Variants in LRRC69 observed in about 807,000 individuals in gnomAD.
The protein encoded by LRRC69 is leucine rich repeat containing 69, also known as leucine-rich repeat-containing protein 69.
LRRC69 carries 42 observed loss-of-function variants against 37.8 expected under a neutral mutation model. The ratio of observed to expected loss-of-function variants is 1.11; its 90% CI spans 0.87 to 1.44. The LOEUF (loss-of-function observed/expected upper bound fraction) is 1.44, where lower values mean the gene tolerates loss of function less well. Among genes scored for constraint, LRRC69 ranks in the 40% most tolerant of loss-of-function variants. The probability of loss-of-function intolerance (pLI) is 0.00; values close to 1 mark genes in which losing one functional copy is unlikely to be tolerated. For synonymous variants in LRRC69, 141 were observed against 143.1 expected (o/e 0.99, Z 0.11); for missense variants, 357 against 401.9 (o/e 0.89, Z 0.96).
At chr8:91,171,218 T>G (rs1372801036) in intron 5 of LRRC69, among the ~76,000 whole-genome samples, 1 of 152,042 alleles carries the variant, frequency 6.6e-6, no homozygotes, top group Non-Finnish European at 1.5e-5. Context: ...TTTTACATTA[T>G]TGTTTCCCTT....
intron 5 of LRRC69, among the ~76,000 whole-genome samples, chr8:91,164,171 C>T (rs117511777): frequency 6.6e-6 from 1 of 151,408 alleles, no homozygotes; most frequent in Non-Finnish European, 1.5e-5. Context: ...TCTCCAAGTG[C>T]CCATATACAG....
At chr8:91,160,979 A>C (rs1354615347) in intron 5 of LRRC69, among the ~76,000 whole-genome samples, 5 of 151,120 alleles carry the variant, frequency 3.3e-5, no homozygotes, top group Non-Finnish European at 4.4e-5. Context: ...TTAATACCTA[A>C]TTTGTTGAGA....
At chr8:91,139,979 T>G (rs1447594551) in intron 5 of LRRC69, among the ~76,000 whole-genome samples, 1 of 150,740 alleles carries the variant, frequency 6.6e-6, no homozygotes, top group Non-Finnish European at 1.5e-5. Context: ...TCTCAGTTAC[T>G]CGGGAGGCTG....
chr8:91,210,729 T>C (rs1327599794), intron 7 of LRRC69, among the ~76,000 whole-genome samples: 1 of 152,064 alleles, frequency 6.6e-6, no homozygotes, highest in African/African-American at 2.4e-5. Context: ...TGTCAGGGCA[T>C]TATAAAAACA....
At chr8:91,123,824 C>T (rs898508601) in intron 1 of LRRC69, among the ~76,000 whole-genome samples, 1 of 152,024 alleles carries the variant, frequency 6.6e-6, no homozygotes. Flanking sequence ...ATTACAACAT[C>T]AAGGAGGAAC....
intron 1 of LRRC69, among the ~76,000 whole-genome samples, chr8:91,110,663 G>T (rs888803900): frequency 6.6e-6 from 1 of 151,940 alleles, no homozygotes; most frequent in Non-Finnish European, 1.5e-5. Context: ...GGGAGTGGGG[G>T]AGTTTATCTA....
chr8:91,207,868 A>G (rs1450319100), intron 7 of LRRC69, among the ~76,000 whole-genome samples: 1 of 152,222 alleles, frequency 6.6e-6, no homozygotes, highest in African/African-American at 2.4e-5. Context: ...AAAGTATCAC[A>G]GACTGGGTGG....
intron 1 of LRRC69, among the ~76,000 whole-genome samples, chr8:91,108,658 C>A (rs536736802): frequency 1.3e-5 from 2 of 151,948 alleles, no homozygotes; most frequent in Non-Finnish European, 2.9e-5. Context: ...CCACATGCGG[C>A]CCAGGACGGC....
intron 5 of LRRC69, among the ~76,000 whole-genome samples, chr8:91,141,516 C>T (rs1190513980): frequency 1.3e-5 from 2 of 152,056 alleles, no homozygotes; most frequent in Non-Finnish European, 2.9e-5. Context: ...ATATAAACCT[C>T]CTTGATGAGG....
chr8:91,141,512 A>T (rs1016932179), intron 5 of LRRC69, among the ~76,000 whole-genome samples: 2 of 151,826 alleles, frequency 1.3e-5, no homozygotes, highest in Non-Finnish European at 2.9e-5. Context: ...ATTGATATAA[A>T]CCTCCTTGAT....
At chr8:91,197,928 A>AT (rs1276681229) in intron 6 of LRRC69, among the ~76,000 whole-genome samples, 2 of 152,184 alleles carry the variant, frequency 1.3e-5, no homozygotes, top group African/African-American at 4.8e-5. Context: ...TGCCTGTAAT[A>AT]TGTAAATGAT....
At chr8:91,205,294 T>C (rs1325502168) in intron 7 of LRRC69, among the ~76,000 whole-genome samples, 4 of 152,104 alleles carry the variant, frequency 2.6e-5, no homozygotes, top group Non-Finnish European at 4.4e-5. Context: ...GCTTAGGACA[T>C]GGAGGCTCAC....
chr8:91,157,288 C>A (rs1808852915), intron 5 of LRRC69: 1 of 1,604,284 alleles, frequency 6.2e-7, no homozygotes, highest in East Asian at 2.2e-5. Flanking sequence ...CACAGGTGTG[C>A]CTCCTTCAGC....
chr8:91,171,120 G>A (rs1809120715), intron 5 of LRRC69, among the ~76,000 whole-genome samples: 1 of 151,888 alleles, frequency 6.6e-6, no homozygotes, highest in African/African-American at 2.4e-5. Flanking sequence ...TCAATTCTGA[G>A]GCTCTAAGGA....
At chr8:91,157,584 A>C in intron 5 of LRRC69, 1 of 1,541,670 alleles carries the variant, frequency 6.5e-7, no homozygotes, top group Non-Finnish European at 8.9e-7. Context: ...GAATGTTTAC[A>C]ACTGCACCTG....
At chr8:91,201,699 C>T (rs1165760538) in intron 7 of LRRC69, among the ~76,000 whole-genome samples, 1 of 151,752 alleles carries the variant, frequency 6.6e-6, no homozygotes, top group African/African-American at 2.4e-5. Flanking sequence ...CTTCCTTGGG[C>T]TAGCATAGTA....
intron 7 of LRRC69, among the ~76,000 whole-genome samples, chr8:91,211,721 G>C (rs1422950782): frequency 1.3e-5 from 2 of 150,428 alleles, no homozygotes; most frequent in South Asian, 2.1e-4. Flanking sequence ...CTGACCTTTA[G>C]AGCAAATACT....
At chr8:91,195,516 A>G (rs1392381351) in intron 6 of LRRC69, among the ~76,000 whole-genome samples, 8 of 150,782 alleles carry the variant, frequency 5.3e-5, no homozygotes, top group Non-Finnish European at 1.2e-4. Context: ...TGCTTTATGA[A>G]TCTGGGTGCT....
intron 6 of LRRC69, among the ~76,000 whole-genome samples, chr8:91,197,444 C>G (rs535887073): frequency 6.6e-6 from 1 of 152,040 alleles, no homozygotes; most frequent in Admixed American, 6.6e-5. Context: ...CCCCCAGCCT[C>G]GCTGCCGCCT....
Sources: gnomAD v4.1 joint callset for allele counts (sites outside exome capture counted in the v4.1 genomes callset) on GRCh38, gnomAD v4.1.1 for gene constraint, MANE v1.5 for transcripts, NCBI Gene and HGNC (gene_info 2026-07-23, HGNC 2026-07-21) for gene names.